Variants in NIPA2 observed in about 807,000 individuals in gnomAD.
NIPA2 encodes NIPA magnesium transporter 2, also known as magnesium transporter NIPA2.
In NIPA2, 11 loss-of-function variants were observed where a neutral mutation model predicts 29.7. That is an observed-to-expected ratio of 0.37 (90% CI 0.23 to 0.61). The LOEUF (loss-of-function observed/expected upper bound fraction) is 0.61, where lower values mean the gene tolerates loss of function less well. Among genes scored for constraint, NIPA2 ranks in the 20% least tolerant of loss-of-function variants. NIPA2 has a pLI of 0.66. For missense variants in NIPA2, 426 were observed against 437.9 expected, an observed-to-expected ratio of 0.97 and a Z score of 0.24; for synonymous variants, 183 against 161.9, an observed-to-expected ratio of 1.13 and a Z score of -0.99.
chr15:22,864,231 C>G (rs796400986), intron 7 of NIPA2, among the ~76,000 whole-genome samples: 102 of 152,074 alleles, frequency 6.7e-4, no homozygotes, highest in African/African-American at 2.4e-3. Context: ...TCTTGGCTCA[C>G]TGCAAGCTCC....
chr15:22,859,164 ACT>A (rs2058429030), intron 6 of NIPA2, among the ~76,000 whole-genome samples: 2 of 152,208 alleles, frequency 1.3e-5, no homozygotes, highest in Non-Finnish European at 2.9e-5. Context: ...ATAGAGCGAG[ACT>A]CTGTCTCAAA....
rs372935233 is a variant in NIPA2, at chr15:22,852,323, C to T, written c.139+453C>T. 2.0e-4 allele frequency among the ~76,000 whole-genome samples: 30 copies of T among 152,006 alleles called. No individual in the cohort carries two copies. In the South Asian group the frequency reaches 4.4e-3, roughly 22 times the overall value. ...CTCTACTGAAAATACAAAAATTAGC[C>T]GGGCATGGTGGCCTGGCCTATAGTC... is the stretch of plus-strand genomic sequence containing the variant. On this transcript the variant is annotated intron_variant, in intron 4 of 7. Transcript: ENST00000337451.
rs188425462 is a variant in NIPA2, at chr15:22,867,692, G to C, written c.*845G>C. ...AGACTAGGGTTGTTTCTTAAATTTA[G>C]CTCATGTTATAATAAAAAGTTGAAA... On this transcript the variant is annotated 3_prime_UTR_variant, in exon 8 of 8. Transcript: ENST00000337451. 187 of 152,408 alleles carry C rather than the reference G, an allele frequency of 1.2e-3. 1 individual carries two copies. The highest frequency in any genetic ancestry group is 1.7e-3 in the Non-Finnish European group (113 of 68,252). 9.4% of individuals were successfully genotyped at this position (152,408 alleles called of 1,614,324 possible).
In NIPA2 at chr15:22,866,692, C is replaced by T. The variant is rs868152826; in HGVS notation, c.928C>T (p.Pro310Ser). The part of the protein sequence containing the change: ...KDVSFSLASL[P>S]VSFRKDEKAM... The stretch of plus-strand genomic sequence containing the variant: ...CGTCAGCTTTAGTCTAGCAAGTCTG[C>T]CTGTGTCTTTTCGAAAAGACGAGAA... Residue 310 changes from proline (P) to serine (S), a missense_variant, in exon 8 of 8, where the codon CCT becomes TCT. By Grantham distance (74) the Pro-to-Ser change is moderately conservative. This residue lies in a region of NIPA2 where 357 missense variants were observed against 339.8 expected (regional missense o/e 1.05). Transcript: ENST00000337451. 1.2e-6 allele frequency: 2 copies of T among 1,614,058 alleles called. No individual in the cohort carries two copies. The highest frequency in any genetic ancestry group is 1.7e-4 in the Middle Eastern group (1 of 6,054).
chr15:22,848,408 G>T (rs1474442921), intron 3 of NIPA2, among the ~76,000 whole-genome samples: 1 of 151,982 alleles, frequency 6.6e-6, no homozygotes, highest in Admixed American at 6.6e-5. Flanking sequence ...TTGTTTGTTT[G>T]TTTGAGACCA....
chr15:22,843,870 G>A (rs1697239521), intron 2 of NIPA2, among the ~76,000 whole-genome samples: 1 of 152,014 alleles, frequency 6.6e-6, no homozygotes, highest in Non-Finnish European at 1.5e-5. Context: ...GGTTGGCCAG[G>A]TATGTTTTGT....
At chr15:22,850,762 G>A (rs754587063) in intron 3 of NIPA2, among the ~76,000 whole-genome samples, 6 of 152,138 alleles carry the variant, frequency 3.9e-5, no homozygotes, top group African/African-American at 4.8e-5. Flanking sequence ...CTTGAAGAAC[G>A]GAAAAACATG....
At position 22,866,766 on chromosome 15, in the gene NIPA2, T is replaced by C. The variant is rs1322234837; in HGVS notation, c.1002T>C (p.Asn334=). 1.2e-6 allele frequency: 2 copies of C among 1,613,648 alleles called. No homozygotes were observed. The highest frequency in any genetic ancestry group is 1.7e-6 in the Non-Finnish European group (2 of 1,179,800). ...ATATGTATGAAGTTCTTAATAATAA[T>C]GAAGAAAGCTTAACCTGTGGAATCG... ...LSNMYEVLNN[N]EESLTCGIEQ... is the part of the protein sequence containing the mutation. The change falls in exon 8 of 8, where the codon AAT becomes AAC. Residue 334 remains asparagine (N), a synonymous_variant. Coordinates refer to ENST00000337451, the MANE Select transcript of NIPA2 (RefSeq NM_030922.7).
intron 2 of NIPA2, among the ~76,000 whole-genome samples, chr15:22,843,855 C>T (rs745495371): frequency 1.5e-4 from 23 of 152,176 alleles, no homozygotes; most frequent in African/African-American, 3.9e-4. Flanking sequence ...GATGGGGTTT[C>T]ACCAGGTTGG....
chr15:22,842,071 C>T (rs569229770), intron 2 of NIPA2, among the ~76,000 whole-genome samples: 2 of 152,290 alleles, frequency 1.3e-5, no homozygotes, highest in South Asian at 2.1e-4. Context: ...ATAACATTTG[C>T]CACTTTTCCA....
At chr15:22,854,976 G>T (rs2058073510) in intron 5 of NIPA2, among the ~76,000 whole-genome samples, 1 of 152,108 alleles carries the variant, frequency 6.6e-6, no homozygotes, top group African/African-American at 2.4e-5. Context: ...GTTAAGAGGA[G>T]AATTCTGTTT....
At chr15:22,865,222 C>T (rs2058915055) in intron 7 of NIPA2, among the ~76,000 whole-genome samples, 2 of 151,366 alleles carry the variant, frequency 1.3e-5, no homozygotes, top group African/African-American at 2.4e-5. Flanking sequence ...TGCGGTGGCT[C>T]ACGCCTGTAA....
intron 3 of NIPA2, among the ~76,000 whole-genome samples, chr15:22,849,067 C>G (rs8028189): frequency 0.44 from 66,432 of 152,008 alleles, 16,638 homozygotes; most frequent in Non-Finnish European, 0.56. Context: ...TTGTTGCAAT[C>G]TTACAGCGTG....
intron 7 of NIPA2, among the ~76,000 whole-genome samples, chr15:22,864,632 C>T (rs1404065242): frequency 6.6e-6 from 1 of 152,220 alleles, no homozygotes; most frequent in South Asian, 2.1e-4. Flanking sequence ...TCTCCCAGAA[C>T]TGGGCAGGAG....
intron 2 of NIPA2, among the ~76,000 whole-genome samples, chr15:22,844,026 C>G (rs1208865677): frequency 1.3e-5 from 2 of 152,114 alleles, no homozygotes; most frequent in African/African-American, 4.8e-5. Flanking sequence ...AGTTTGCTAA[C>G]TTTGGTGATT....
chr15:22,858,180 T>G (rs2058343097), intron 5 of NIPA2, among the ~76,000 whole-genome samples: 1 of 152,022 alleles, frequency 6.6e-6, no homozygotes, highest in African/African-American at 2.4e-5. Flanking sequence ...GATCACGAGG[T>G]CAGGAGATCA....
intron 7 of NIPA2, among the ~76,000 whole-genome samples, chr15:22,862,047 C>CTTTTTT (rs1251161426): frequency 1.3e-4 from 3 of 23,470 alleles, no homozygotes; most frequent in Admixed American, 1.0e-3. Context: ...TGATGGGTCT[C>CTTTTTT]TCTTTTTTTT....
At chr15:22,848,712 G>C (rs1229204982) in intron 3 of NIPA2, among the ~76,000 whole-genome samples, 1 of 149,936 alleles carries the variant, frequency 6.7e-6, no homozygotes, top group East Asian at 2.0e-4. Context: ...TGTAGTCCCA[G>C]CTACTCAGAG....
At chr15:22,840,078 G>T (rs1428740115) in intron 2 of NIPA2, among the ~76,000 whole-genome samples, 2 of 151,942 alleles carry the variant, frequency 1.3e-5, no homozygotes, top group South Asian at 2.1e-4. Flanking sequence ...GCGGCACCAT[G>T]CCTGGCTAAT....
Sources: allele counts gnomAD v4.1 joint callset (sites outside exome capture counted in the v4.1 genomes callset), GRCh38; gene constraint gnomAD v4.1.1; regional missense constraint gnomAD v4.1.1; transcripts MANE v1.5; gene names NCBI Gene and HGNC (gene_info 2026-07-23, HGNC 2026-07-21).